The following PUDP variants were observed in gnomAD, a reference collection of about 807,000 sequenced individuals.
The protein encoded by PUDP is pseudouridine-5'-phosphatase.
A neutral mutation model predicts 9.4 loss-of-function variants in PUDP; 8 were observed. That is an observed-to-expected ratio of 0.85 (90% CI 0.50 to 1.53). PUDP has a LOEUF of 1.53. PUDP is among the 40% of genes most tolerant of loss of function. The pLI is 0.00. For synonymous variants in PUDP, 99 were observed against 80.7 expected, an observed-to-expected ratio of 1.23 and a Z score of -1.22; for missense variants, 188 against 189.7, an observed-to-expected ratio of 0.99 and a Z score of 0.05.
At chrX:6,900,563 A>AGAGAGAGGGAGACGGAGAG (rs1927666048) in intron 3 of PUDP, among the ~76,000 whole-genome samples, 1 of 105,327 alleles carries the variant, frequency 9.5e-6, no homozygotes, top group African/African-American at 3.5e-5. Context: ...GAGGGAGAGA[A>AGAGAGAGGGAGACGGAGAG]GGAGAGAGGG....
chrX:6,811,870 A>G (rs1431495956), intron 3 of PUDP, among the ~76,000 whole-genome samples: 1 of 112,062 alleles, frequency 8.9e-6, no homozygotes, highest in African/African-American at 3.2e-5. Context: ...TTTAAGTGCA[A>G]ATATATGCTG....
rs374981054 is a variant in PUDP, at chrX:6,718,182, T to C, written n.128+3235A>G. Among the ~76,000 whole-genome samples, 26 of 111,865 alleles carry C rather than the reference T, an allele frequency of 2.3e-4. No homozygotes were observed. The East Asian group carries it at 2.8e-3, about 12-fold the overall frequency. On this transcript the variant is annotated intron_variant and non_coding_transcript_variant, in intron 1 of 2. Transcript: ENST00000438499. ...CCTGTTGATTTTATGGAAAACAATA[T>C]GGAGATTTCTCAGAGAACTAAAATT...
At chrX:6,778,586 G>A (rs768162488) in intron 3 of PUDP, among the ~76,000 whole-genome samples, 4 of 112,574 alleles carry the variant, frequency 3.6e-5, no homozygotes, top group African/African-American at 1.3e-4. Flanking sequence ...TGCAGTACTT[G>A]AGGAAATGTC....
intron 3 of PUDP, among the ~76,000 whole-genome samples, chrX:6,904,730 C>G (rs1015063657): frequency 8.9e-6 from 1 of 112,079 alleles, no homozygotes; most frequent in African/African-American, 3.2e-5. Flanking sequence ...TCTTTCTTCT[C>G]CCCTGCTCAC....
chrX:6,978,565 T>A (rs1928988484), intron 1 of PUDP, among the ~76,000 whole-genome samples: 1 of 112,045 alleles, frequency 8.9e-6, no homozygotes, highest in Non-Finnish European at 1.9e-5. Flanking sequence ...CAAAGGTTGT[T>A]AAAAATGTTT....
chrX:7,010,694 C>T (rs1929464998), intron 1 of PUDP, among the ~76,000 whole-genome samples: 1 of 111,719 alleles, frequency 9.0e-6, no homozygotes, highest in South Asian at 3.8e-4. Context: ...CCACCCACCA[C>T]GATTCTGGTG....
At chrX:6,959,184 A>AT (rs1928672149) in intron 3 of PUDP, among the ~76,000 whole-genome samples, 1 of 111,913 alleles carries the variant, frequency 8.9e-6, no homozygotes, top group Non-Finnish European at 1.9e-5. Flanking sequence ...GAACAATGGG[A>AT]GAATGATCCT....
chrX:6,799,784 C>T (rs1228401302), intron 3 of PUDP, among the ~76,000 whole-genome samples: 4 of 110,141 alleles, frequency 3.6e-5, no homozygotes, highest in South Asian at 7.9e-4. Flanking sequence ...TGCGGTGAGC[C>T]GAGACCACGC....
At chrX:7,080,918 C>CA (rs746448938) in intron 2 of PUDP, among the ~76,000 whole-genome samples, 3,133 of 47,782 alleles carry the variant, frequency 0.066, 144 homozygotes, top group African/African-American at 0.19. Flanking sequence ...GACTCCATCT[C>CA]AAAAAAAAAA....
intron 2 of PUDP, among the ~76,000 whole-genome samples, chrX:7,086,231 T>C (rs1931259159): frequency 8.9e-6 from 1 of 112,170 alleles, no homozygotes. Flanking sequence ...AAATCTGTGC[T>C]GATCGCTTTA....
intron 3 of PUDP, among the ~76,000 whole-genome samples, chrX:6,738,759 C>T (rs934132285): frequency 9.0e-6 from 1 of 111,104 alleles, no homozygotes; most frequent in African/African-American, 3.3e-5. Flanking sequence ...CCTCAAATGT[C>T]AAAGTTGAGA....
chrX:7,057,027 G>A (rs1930264399), intron 3 of PUDP, among the ~76,000 whole-genome samples: 1 of 112,214 alleles, frequency 8.9e-6, no homozygotes, highest in Non-Finnish European at 1.9e-5. Flanking sequence ...CCAACGACAA[G>A]GGAGGTGAAG....
rs144505964 is a variant in PUDP, at chrX:6,854,770, C to T, written c.*247+122363G>A. Among the ~76,000 whole-genome samples the T allele has an allele frequency of 2.8e-3, 303 of 109,554 alleles. 5 individuals are homozygous for T. Among genetic ancestry groups the T allele is most frequent in the Admixed American group, 0.023 (234 of 10,261 alleles). On this transcript the variant is annotated intron_variant and NMD_transcript_variant, in intron 3 of 3. Coordinates refer to the PUDP transcript ENST00000655425. ...AAGGTCTTCATCCTCCTTGTTCTCACGTTGAAGAGGCTGAAGAGGAGGAGG... is the reference window on the plus strand; with the variant it reads ...AAGGTCTTCATCCTCCTTGTTCTCATGTTGAAGAGGCTGAAGAGGAGGAGG...
chrX:6,816,508 A>G (rs1926238226), intron 3 of PUDP, among the ~76,000 whole-genome samples: 1 of 102,499 alleles, frequency 9.8e-6, no homozygotes, highest in African/African-American at 3.5e-5. Flanking sequence ...TTATACATCT[A>G]TACTATACTA....
At chrX:6,896,606 G>A (rs989242056) in intron 3 of PUDP, among the ~76,000 whole-genome samples, 3 of 111,870 alleles carry the variant, frequency 2.7e-5, no homozygotes, top group Non-Finnish European at 5.6e-5. Context: ...TGGTTAATTG[G>A]TTTGTCCCCA....
chrX:7,042,467 A>C (rs1041416786), intron 1 of PUDP, among the ~76,000 whole-genome samples: 1 of 112,079 alleles, frequency 8.9e-6, no homozygotes, highest in African/African-American at 3.2e-5. Context: ...ATTAGGGTGA[A>C]TACAAGTAAG....
intron 3 of PUDP, among the ~76,000 whole-genome samples, chrX:6,804,289 C>T (rs999543561): frequency 6.3e-5 from 7 of 111,936 alleles, no homozygotes; most frequent in African/African-American, 2.3e-4. Context: ...TTGATGCCCT[C>T]TCATAGCTGG....
At chrX:6,956,504 G>A (rs1055593099) in intron 3 of PUDP, among the ~76,000 whole-genome samples, 3 of 111,090 alleles carry the variant, frequency 2.7e-5, no homozygotes, top group Non-Finnish European at 5.7e-5. Flanking sequence ...GTGGGGAGGG[G>A]AAAATGCCCA....
intron 3 of PUDP, among the ~76,000 whole-genome samples, chrX:6,962,273 T>C (rs1057059500): frequency 8.9e-6 from 1 of 112,082 alleles, no homozygotes; most frequent in Non-Finnish European, 1.9e-5. Context: ...CACTTTCTCA[T>C]TAAGCTGCAT....
Sources: allele counts gnomAD v4.1 joint callset (sites outside exome capture counted in the v4.1 genomes callset), GRCh38; gene constraint gnomAD v4.1.1; transcripts MANE v1.5; gene names NCBI Gene and HGNC (gene_info 2026-07-23, HGNC 2026-07-21).